Variants in BMPR1B observed in about 807,000 individuals in gnomAD.
The protein encoded by BMPR1B is bone morphogenetic protein receptor type-1B.
Under a neutral mutation model 59.1 loss-of-function variants are expected in BMPR1B, and 12 were observed. The observed-to-expected ratio is 0.20, with a 90% CI of 0.13 to 0.33. BMPR1B has a LOEUF of 0.33. BMPR1B is among the 10% of genes least tolerant of loss of function. BMPR1B has a pLI of 1.00. For synonymous variants in BMPR1B, 237 were observed against 207.3 expected (o/e 1.14, Z -1.23); for missense variants, 550 against 610.9 (o/e 0.90, Z 1.05).
intron 1 of BMPR1B, among the ~76,000 whole-genome samples, chr4:94,802,451 A>G (rs1418033774): frequency 6.6e-6 from 1 of 152,194 alleles, no homozygotes; most frequent in Non-Finnish European, 1.5e-5. Context: ...ATCTTTGTCC[A>G]GGGAGGTCAA....
chr4:95,145,319 AGTC>A lies in BMPR1B; in HGVS notation c.1077-3428_1077-3426del, dbSNP rs568493275. ...CGTGGGGTTGGAATTATTGTCTCTG[AGTC>A]TACAGCCCTTGTGCAGTATCTATCT... On this transcript the variant is annotated intron_variant, in intron 10 of 12. Transcript: ENST00000515059. Among the ~76,000 whole-genome samples the A allele has an allele frequency of 1.4e-3, 210 of 152,278 alleles. 1 individual carries two copies. The East Asian group carries it at 0.034, about 24-fold the overall frequency.
At chr4:95,057,603 G>T (rs1383224901) in intron 3 of BMPR1B, among the ~76,000 whole-genome samples, 1 of 151,960 alleles carries the variant, frequency 6.6e-6, no homozygotes, top group African/African-American at 2.4e-5. Flanking sequence ...CATGTTAAAG[G>T]TTTTTGATTG....
chr4:94,841,383 A>T (rs989868107), intron 1 of BMPR1B, among the ~76,000 whole-genome samples: 5 of 150,380 alleles, frequency 3.3e-5, no homozygotes, highest in Non-Finnish European at 5.9e-5. Context: ...TTGCAGTTTG[A>T]TCTCAGACTG....
At chr4:95,022,407 T>A (rs944488290) in intron 3 of BMPR1B, among the ~76,000 whole-genome samples, 4 of 152,194 alleles carry the variant, frequency 2.6e-5, no homozygotes, top group African/African-American at 9.6e-5. Flanking sequence ...ATTTTTCAAA[T>A]TCTGTTAGTG....
intron 2 of BMPR1B, among the ~76,000 whole-genome samples, chr4:94,986,352 A>G (rs966416998): frequency 1.3e-5 from 2 of 152,198 alleles, no homozygotes; most frequent in African/African-American, 4.8e-5. Flanking sequence ...ACAAAACAAA[A>G]CAAAACTCAG....
At chr4:95,088,394 C>T (rs1729745692) in intron 3 of BMPR1B, among the ~76,000 whole-genome samples, 1 of 151,886 alleles carries the variant, frequency 6.6e-6, no homozygotes, top group African/African-American at 2.4e-5. Flanking sequence ...TAGGACAAGG[C>T]TTTTTTCCTC....
At chr4:95,034,708 TG>T (rs979239111) in intron 3 of BMPR1B, among the ~76,000 whole-genome samples, 1 of 152,106 alleles carries the variant, frequency 6.6e-6, no homozygotes, top group African/African-American at 2.4e-5. Flanking sequence ...TTTATATTTT[TG>T]CAACTGTGAA....
At chr4:94,865,399 T>TTTA (rs1726178642) in intron 1 of BMPR1B, among the ~76,000 whole-genome samples, 1 of 151,808 alleles carries the variant, frequency 6.6e-6, no homozygotes, top group African/African-American at 2.4e-5. Context: ...TTTTTTTTTT[T>TTTA]AATTTTTTTG....
chr4:94,858,442 C>A (rs1321022315), intron 1 of BMPR1B, among the ~76,000 whole-genome samples: 1 of 152,030 alleles, frequency 6.6e-6, no homozygotes, highest in African/African-American at 2.4e-5. Flanking sequence ...ATGGAACCAT[C>A]CTTCTGATGG....
At chr4:95,057,307 T>G (rs1039165054) in intron 3 of BMPR1B, among the ~76,000 whole-genome samples, 1 of 152,032 alleles carries the variant, frequency 6.6e-6, no homozygotes, top group Non-Finnish European at 1.5e-5. Flanking sequence ...TGCAGTGGTG[T>G]GATCTTGGCT....
At chr4:94,776,496 C>T (rs1000862651) in intron 1 of BMPR1B, among the ~76,000 whole-genome samples, 2 of 152,182 alleles carry the variant, frequency 1.3e-5, no homozygotes, top group South Asian at 2.1e-4. Context: ...ACGAAGTACT[C>T]TTATTCTCTT....
chr4:95,139,106 T>C (rs1050692287), intron 10 of BMPR1B, among the ~76,000 whole-genome samples: 2 of 152,212 alleles, frequency 1.3e-5, no homozygotes, highest in Non-Finnish European at 2.9e-5. Flanking sequence ...GTGGATGTCC[T>C]TTCTGTTTGT....
chr4:95,154,700 C>T lies in BMPR1B; in HGVS notation c.*27C>T. On this transcript the variant is annotated 3_prime_UTR_variant, in exon 13 of 13. Coordinates refer to ENST00000515059, the MANE Select transcript of BMPR1B (RefSeq NM_001203.3). Reference sequence around the variant, plus strand: ...AGGAGAGGAAAAGTAAGCATCTCTGCAGAAAGCCAACAGGTACTCTTCTGT... The same window carrying T: ...AGGAGAGGAAAAGTAAGCATCTCTGTAGAAAGCCAACAGGTACTCTTCTGT... The T allele has an allele frequency of 6.2e-7, 1 of 1,613,308 alleles. No individual in the cohort carries two copies. The highest frequency in any genetic ancestry group is 8.5e-7 in the Non-Finnish European group (1 of 1,179,446).
chr4:95,026,614 A>T (rs1236907848), intron 3 of BMPR1B, among the ~76,000 whole-genome samples: 1 of 152,056 alleles, frequency 6.6e-6, no homozygotes, highest in Admixed American at 6.6e-5. Flanking sequence ...CTTTTCTAAA[A>T]TATAGGTAAG....
At chr4:95,054,339 C>G (rs1445817861) in intron 3 of BMPR1B, among the ~76,000 whole-genome samples, 1 of 152,092 alleles carries the variant, frequency 6.6e-6, no homozygotes, top group Non-Finnish European at 1.5e-5. Context: ...CACTGCCTAG[C>G]TATTACCTTA....
At chr4:95,116,204 CT>C (rs1226216416) in intron 6 of BMPR1B, among the ~76,000 whole-genome samples, 1 of 151,826 alleles carries the variant, frequency 6.6e-6, no homozygotes, top group Non-Finnish European at 1.5e-5. Context: ...ATGGCATTTC[CT>C]TTTTTTATGC....
intron 1 of BMPR1B, among the ~76,000 whole-genome samples, chr4:94,781,208 T>C (rs1052834227): frequency 1.3e-5 from 2 of 152,152 alleles, no homozygotes; most frequent in African/African-American, 4.8e-5. Context: ...TAAGTGTTCT[T>C]TAGGTTTTCT....
intron 2 of BMPR1B, among the ~76,000 whole-genome samples, chr4:94,956,925 G>A (rs1240695245): frequency 6.6e-6 from 1 of 152,084 alleles, no homozygotes; most frequent in East Asian, 1.9e-4. Flanking sequence ...TTTTCAAGTA[G>A]AAATATAAAT....
At chr4:95,023,007 A>G (rs1724102172) in intron 3 of BMPR1B, among the ~76,000 whole-genome samples, 1 of 152,140 alleles carries the variant, frequency 6.6e-6, no homozygotes, top group African/African-American at 2.4e-5. Context: ...ACAGAGGGAA[A>G]ACTTCAGATG....
Sources: gnomAD v4.1 joint callset for allele counts (sites outside exome capture counted in the v4.1 genomes callset) on GRCh38, gnomAD v4.1.1 for gene constraint, MANE v1.5 for transcripts, NCBI Gene and HGNC (gene_info 2026-07-23, HGNC 2026-07-21) for gene names.